Variants in ST8SIA1 observed in about 807,000 individuals in gnomAD.
ST8SIA1 encodes the protein alpha-N-acetylneuraminide alpha-2,8-sialyltransferase.
Under a neutral mutation model 35.9 loss-of-function variants are expected in ST8SIA1, and 16 were observed. That is an observed-to-expected ratio of 0.45 (90% CI 0.30 to 0.68). ST8SIA1 has a LOEUF of 0.68. Among genes scored for constraint, ST8SIA1 ranks in the 30% least tolerant of loss-of-function variants. ST8SIA1 has a pLI of 0.09. For missense variants in ST8SIA1, 383 were observed against 453.6 expected, an observed-to-expected ratio of 0.84 and a Z score of 1.41; for synonymous variants, 170 against 169.6, an observed-to-expected ratio of 1.00 and a Z score of -0.02.
chr12:22,241,596 GTA>G lies in ST8SIA1; in HGVS notation c.584+7408_584+7409del, dbSNP rs781369178. Among the ~76,000 whole-genome samples, 165 of 123,788 alleles carry G rather than the reference GTA, an allele frequency of 1.3e-3. 1 individual carries two copies. The highest frequency in any genetic ancestry group is 4.8e-3 in the African/African-American group (155 of 32,306). The allele number at this position is 123,788 out of a possible 152,430, so 81.2% of individuals were successfully genotyped here. ...TTCTTTAAGAATTACCCAGACTCCGGTATTTTTTTTTTTTTTTTTTTTTTGAG... is the reference window on the plus strand; with the variant it reads ...TTCTTTAAGAATTACCCAGACTCCGGTTTTTTTTTTTTTTTTTTTTTTGAG... On this transcript the variant is annotated intron_variant, in intron 4 of 4. Coordinates refer to ENST00000396037, the MANE Select transcript of ST8SIA1 (RefSeq NM_003034.4).
chr12:22,214,232 G>A (rs1865209346), intron 4 of ST8SIA1, among the ~76,000 whole-genome samples: 1 of 152,054 alleles, frequency 6.6e-6, no homozygotes, highest in Admixed American at 6.6e-5. Flanking sequence ...AGTTTCAAAA[G>A]TTTATCAACA....
At chr12:22,277,681 A>G (rs946327166) in intron 2 of ST8SIA1, among the ~76,000 whole-genome samples, 1 of 152,104 alleles carries the variant, frequency 6.6e-6, no homozygotes, top group Non-Finnish European at 1.5e-5. Flanking sequence ...AACTTTTTTG[A>G]AAGTTCTTGA....
At chr12:22,278,631 C>G (rs1342054938) in intron 2 of ST8SIA1, among the ~76,000 whole-genome samples, 2 of 152,114 alleles carry the variant, frequency 1.3e-5, no homozygotes, top group Non-Finnish European at 2.9e-5. Flanking sequence ...GGGCTGTTAG[C>G]CAGTGCTTCA....
intron 4 of ST8SIA1, among the ~76,000 whole-genome samples, chr12:22,226,651 TTCC>T (rs1342595637): frequency 6.6e-6 from 1 of 152,162 alleles, no homozygotes; most frequent in African/African-American, 2.4e-5. Flanking sequence ...CTGAGTTTTT[TTCC>T]TCGACATTCT....
At chr12:22,282,887 G>A (rs1235677540) in intron 2 of ST8SIA1, among the ~76,000 whole-genome samples, 1 of 151,990 alleles carries the variant, frequency 6.6e-6, no homozygotes, top group African/African-American at 2.4e-5. Context: ...AAATTCTGTA[G>A]ATTATGTAGT....
intron 2 of ST8SIA1, among the ~76,000 whole-genome samples, chr12:22,267,336 TA>T (rs80139491): frequency 0.23 from 35,289 of 151,944 alleles, 5,612 homozygotes; most frequent in East Asian, 0.53. Context: ...TATTTTCATT[TA>T]AAAAAAAGCA....
At chr12:22,300,313 AAGGTCCAGGGACTATTGCAGAAGAG>A (rs1424071420) in intron 1 of ST8SIA1, among the ~76,000 whole-genome samples, 2 of 152,118 alleles carry the variant, frequency 1.3e-5, no homozygotes, top group Non-Finnish European at 2.9e-5. Context: ...TCAACTCCTC[AAGGTCCAGGGACTATTGCAGAAGAG>A]GTGGGTATGT....
In ST8SIA1 at chr12:22,333,949, C is replaced by T. The variant is rs113220991; in HGVS notation, c.236+48G>A. 2.2e-4 allele frequency: 335 copies of T among 1,553,718 alleles called. 2 individuals carry two copies. In the African/African-American group the frequency reaches 3.5e-3, roughly 16 times the overall value. On this transcript the variant is annotated intron_variant, in intron 1 of 4. Coordinates refer to ENST00000396037, the MANE Select transcript of ST8SIA1 (RefSeq NM_003034.4). ...CGCCGGTGACCCTGTCCTCTGCACT[C>T]GGGGAGGAAAGGACGCTAGAGGGGA...
chr12:22,241,434 G>T (rs796278490), intron 4 of ST8SIA1, among the ~76,000 whole-genome samples: 1 of 151,872 alleles, frequency 6.6e-6, no homozygotes. Context: ...GCTCCTGCTC[G>T]GGCCATGTGA....
At chr12:22,243,165 A>G (rs11835023) in intron 4 of ST8SIA1, among the ~76,000 whole-genome samples, 51,266 of 152,076 alleles carry the variant, frequency 0.34, 9,445 homozygotes, top group East Asian at 0.55. Context: ...ATTTTCTAAC[A>G]GAATTTTACA....
chr12:22,275,325 C>A (rs3819869), intron 2 of ST8SIA1, among the ~76,000 whole-genome samples: 14,082 of 152,120 alleles, frequency 0.093, 783 homozygotes, highest in East Asian at 0.15. Context: ...AGGCCAAGGG[C>A]GGGTGTATCA....
chr12:22,253,965 G>A lies in ST8SIA1; in HGVS notation c.491+1315C>T, dbSNP rs73270028. ...TCTTCCCTCTCCCACTTAGCTCAGG[G>A]CTCAGAGGTGACTTAGCATCTTCTT... On this transcript the variant is annotated intron_variant, in intron 3 of 4. Coordinates refer to ENST00000396037, the MANE Select transcript of ST8SIA1 (RefSeq NM_003034.4). 3.7e-4 allele frequency among the ~76,000 whole-genome samples: 56 copies of A among 152,196 alleles called. 1 individual carries two copies. Among genetic ancestry groups the A allele is most frequent in the African/African-American group, 1.3e-3 (56 of 41,532 alleles).
rs77578654 is a variant in ST8SIA1 at position 22,288,504 on chromosome 12, A to G, written c.237-1211T>C. Among the ~76,000 whole-genome samples, 1,100 of 152,268 alleles carry G rather than the reference A, an allele frequency of 7.2e-3. 12 individuals are homozygous for G. The highest frequency in any genetic ancestry group is 0.025 in the African/African-American group (1,041 of 41,546). ...CCGTCCCAGCCTCATTGTTGCCAGGAATCAGCCTAGTCAGTAAGGCTGCAG... is the reference window on the plus strand; with the variant it reads ...CCGTCCCAGCCTCATTGTTGCCAGGGATCAGCCTAGTCAGTAAGGCTGCAG... On this transcript the variant is annotated intron_variant, in intron 1 of 4. Transcript: ENST00000396037.
At chr12:22,327,728 T>C (rs1166407988) in intron 1 of ST8SIA1, among the ~76,000 whole-genome samples, 1 of 152,172 alleles carries the variant, frequency 6.6e-6, no homozygotes, top group Non-Finnish European at 1.5e-5. Flanking sequence ...CGGTTGCTTA[T>C]ATAAATATCC....
intron 2 of ST8SIA1, among the ~76,000 whole-genome samples, chr12:22,283,371 T>C (rs1273210569): frequency 6.6e-6 from 1 of 152,132 alleles, no homozygotes; most frequent in Non-Finnish European, 1.5e-5. Flanking sequence ...TGTCCTTCCT[T>C]GGCAAGATAT....
chr12:22,209,659 T>C (rs1865156014), intron 4 of ST8SIA1, among the ~76,000 whole-genome samples: 1 of 152,188 alleles, frequency 6.6e-6, no homozygotes. Flanking sequence ...GCACCATCCA[T>C]CACTTCTTTT....
chr12:22,288,675 A>G (rs1396868961), intron 1 of ST8SIA1, among the ~76,000 whole-genome samples: 2 of 152,264 alleles, frequency 1.3e-5, no homozygotes, highest in African/African-American at 4.8e-5. Context: ...GACAGAAGAG[A>G]AGGGCTCAAG....
intron 1 of ST8SIA1, among the ~76,000 whole-genome samples, chr12:22,333,285 C>A (rs779755376): frequency 7.2e-5 from 11 of 152,210 alleles, no homozygotes; most frequent in Non-Finnish European, 1.3e-4. Flanking sequence ...ATAAAAAGAG[C>A]TGGGAGCTTT....
At chr12:22,333,828 C>A in intron 1 of ST8SIA1, 169 bp downstream of exon 1, 2 of 788,436 alleles carry the variant, frequency 2.5e-6, no homozygotes, top group Non-Finnish European at 4.5e-6. Flanking sequence ...GGAACCCTGA[C>A]TAAAGTCTCC....
Sources: gnomAD v4.1 joint callset for allele counts (sites outside exome capture counted in the v4.1 genomes callset) on GRCh38, gnomAD v4.1.1 for gene constraint, MANE v1.5 for transcripts, NCBI Gene and HGNC (gene_info 2026-07-23, HGNC 2026-07-21) for gene names.